SPON1: variants seen among roughly 807,000 people sequenced by gnomAD.
SPON1 encodes spondin 1, also known as spondin-1.
Under a neutral mutation model 111.7 loss-of-function variants are expected in SPON1, and 52 were observed. That is an observed-to-expected ratio of 0.47 (90% CI 0.37 to 0.59). The LOEUF (loss-of-function observed/expected upper bound fraction) is 0.59. Ranked by LOEUF, SPON1 falls within the 20% of genes least tolerant of loss-of-function variation. The pLI, the probability that SPON1 is intolerant of heterozygous loss-of-function variation, is 0.00. For missense variants in SPON1, 957 were observed against 1,068.5 expected (o/e 0.90, Z 1.46); for synonymous variants, 410 against 395.8 (o/e 1.04, Z -0.43).
intron 6 of SPON1, among the ~76,000 whole-genome samples, chr11:14,141,578 T>C (rs11023103): frequency 0.4 from 60,378 of 151,968 alleles, 12,267 homozygotes; most frequent in East Asian, 0.55. Context: ...GAGGATGACT[T>C]GAACCAGCCC....
intron 2 of SPON1, among the ~76,000 whole-genome samples, chr11:14,026,432 G>A (rs181909114): frequency 7.2e-5 from 11 of 152,332 alleles, no homozygotes; most frequent in Admixed American, 5.2e-4. Context: ...ATATACATCT[G>A]TGCATGATGT....
intron 6 of SPON1, among the ~76,000 whole-genome samples, chr11:14,167,265 C>T (rs1250665374): frequency 6.6e-6 from 1 of 151,970 alleles, no homozygotes; most frequent in Non-Finnish European, 1.5e-5. Flanking sequence ...TAGAAAGAGA[C>T]ATAATTTATA....
rs374445074 is a variant in SPON1, at chr11:14,184,702, A to T, written c.825+49134A>T. On this transcript the variant is annotated intron_variant, in intron 6 of 15. Transcript: ENST00000576479. Reference sequence around the variant, plus strand: ...CCCCATAACTACTGTGATTCTTTCAACATTAGACATCCAGCTCTGGGCTGC... The same window carrying T: ...CCCCATAACTACTGTGATTCTTTCATCATTAGACATCCAGCTCTGGGCTGC... 2.6e-5 allele frequency among the ~76,000 whole-genome samples: 4 copies of T among 152,284 alleles called. No individual in the cohort carries two copies. In the East Asian group the frequency reaches 7.7e-4, roughly 29 times the overall value.
intron 5 of SPON1, among the ~76,000 whole-genome samples, chr11:14,083,492 CAATG>C (rs1554922255): frequency 6.6e-6 from 1 of 152,148 alleles, no homozygotes; most frequent in African/African-American, 2.4e-5. Flanking sequence ...GAAACTATAT[CAATG>C]AACTTGTACT....
chr11:14,193,454 A>G (rs1396757464), intron 6 of SPON1, among the ~76,000 whole-genome samples: 1 of 152,170 alleles, frequency 6.6e-6, no homozygotes, highest in African/African-American at 2.4e-5. Context: ...ACACATATAT[A>G]TAAATATCAT....
chr11:14,256,074 C>T (rs1426118474), intron 9 of SPON1, among the ~76,000 whole-genome samples: 1 of 152,104 alleles, frequency 6.6e-6, no homozygotes, highest in Admixed American at 6.5e-5. Context: ...TGGTGAAACC[C>T]CATCTCTACT....
intron 6 of SPON1, among the ~76,000 whole-genome samples, chr11:14,177,328 C>G (rs114485818): frequency 6.6e-6 from 1 of 152,104 alleles, no homozygotes; most frequent in South Asian, 2.1e-4. Flanking sequence ...TCATGAACCA[C>G]TGCAACCAGC....
intron 5 of SPON1, chr11:14,134,840 T>C (rs559507558): frequency 6.6e-6 from 1 of 152,352 alleles, no homozygotes. Context: ...TCCTGAAGCA[T>C]TTAGAGCAAG....
At chr11:14,160,586 C>T (rs1258333838) in intron 6 of SPON1, among the ~76,000 whole-genome samples, 77 of 8,640 alleles carry the variant, frequency 8.9e-3, no homozygotes, top group Admixed American at 0.022. Flanking sequence ...TATATATTTA[C>T]ATATATATAT....
intron 2 of SPON1, among the ~76,000 whole-genome samples, chr11:14,027,872 T>C (rs771406602): frequency 6.6e-6 from 1 of 152,228 alleles, no homozygotes; most frequent in Non-Finnish European, 1.5e-5. Context: ...ACTGTACTGC[T>C]ATATAAAACT....
At chr11:14,055,029 C>T (rs1848734729) in intron 3 of SPON1, among the ~76,000 whole-genome samples, 1 of 152,126 alleles carries the variant, frequency 6.6e-6, no homozygotes, top group Non-Finnish European at 1.5e-5. Context: ...CTAGCTAAAC[C>T]CACTTCCTGG....
chr11:14,045,594 A>T (rs1466043080), intron 3 of SPON1, among the ~76,000 whole-genome samples: 1 of 143,974 alleles, frequency 6.9e-6, no homozygotes, highest in African/African-American at 2.5e-5. Context: ...AATAATAAAA[A>T]TTTAATTATA....
chr11:14,193,370 C>A (rs782493721), intron 6 of SPON1, among the ~76,000 whole-genome samples: 3 of 152,164 alleles, frequency 2.0e-5, no homozygotes, highest in Non-Finnish European at 2.9e-5. Context: ...CTTGAAGGTA[C>A]CCCATGCCGA....
chr11:14,146,639 C>T (rs1324271803), intron 6 of SPON1, among the ~76,000 whole-genome samples: 5 of 151,878 alleles, frequency 3.3e-5, no homozygotes, highest in African/African-American at 9.7e-5. Flanking sequence ...AAACAGTCAA[C>T]AATAGTCAGA....
chr11:14,223,577 T>C lies in SPON1; in HGVS notation c.826-19755T>C. On this transcript the variant is annotated intron_variant, in intron 6 of 15. Transcript: ENST00000576479. ...GATGAATGTCATTCGGTTCTGTCGG[T>C]GTATCTCTGTGACTCTGGAGAAAAT... is the stretch of plus-strand genomic sequence containing the variant. 1.3e-5 allele frequency among the ~76,000 whole-genome samples: 2 copies of C among 152,192 alleles called. 1 individual carries two copies. Among genetic ancestry groups the C allele is most frequent in the East Asian group, 3.8e-4 (2 of 5,200 alleles).
At chr11:14,103,572 T>C (rs542289390) in intron 5 of SPON1, among the ~76,000 whole-genome samples, 11 of 152,208 alleles carry the variant, frequency 7.2e-5, no homozygotes, top group Non-Finnish European at 1.6e-4. Flanking sequence ...ATCTATCCTC[T>C]TTTTCCTGGG....
chr11:13,999,479 C>T (rs1169389656), intron 2 of SPON1, among the ~76,000 whole-genome samples: 1 of 149,708 alleles, frequency 6.7e-6, no homozygotes, highest in Non-Finnish European at 1.5e-5. Flanking sequence ...GATCTCAGCT[C>T]ACTGCAACTT....
At chr11:14,071,709 C>T (rs1554920918) in intron 3 of SPON1, among the ~76,000 whole-genome samples, 1 of 146,830 alleles carries the variant, frequency 6.8e-6, no homozygotes, top group African/African-American at 2.4e-5. Context: ...GAAATTCATA[C>T]ATAATCTAAC....
chr11:14,055,257 A>G (rs1848736704), intron 3 of SPON1, among the ~76,000 whole-genome samples: 1 of 152,148 alleles, frequency 6.6e-6, no homozygotes, highest in Non-Finnish European at 1.5e-5. Context: ...TCATCAGTCA[A>G]CATCTCGATA....
Sources: allele counts gnomAD v4.1 joint callset (sites outside exome capture counted in the v4.1 genomes callset), GRCh38; gene constraint gnomAD v4.1.1; transcripts MANE v1.5; gene names NCBI Gene and HGNC (gene_info 2026-07-23, HGNC 2026-07-21).